The following CNTNAP5 variants were observed in gnomAD, a reference collection of about 807,000 sequenced individuals.
CNTNAP5 encodes contactin-associated protein-like 5.
Under a neutral mutation model 150.2 loss-of-function variants are expected in CNTNAP5, and 72 were observed. That is an observed-to-expected ratio of 0.48 (90% CI 0.40 to 0.58). The LOEUF (loss-of-function observed/expected upper bound fraction) is 0.58, where lower values mean the gene tolerates loss of function less well. Among genes scored for constraint, CNTNAP5 ranks in the 20% least tolerant of loss-of-function variants. The pLI is 0.00. For synonymous variants in CNTNAP5, 672 were observed against 619.8 expected (o/e 1.08, Z -1.25); for missense variants, 1,636 against 1,626.2 (o/e 1.01, Z -0.10).
intron 6 of CNTNAP5, among the ~76,000 whole-genome samples, chr2:124,451,081 C>CATAA (rs1196135062): frequency 9.4e-6 from 1 of 106,596 alleles, no homozygotes; most frequent in Non-Finnish European, 1.9e-5. Flanking sequence ...TATATATACA[C>CATAA]ACACACACAC....
At chr2:124,068,557 C>G (rs1165676136) in intron 1 of CNTNAP5, among the ~76,000 whole-genome samples, 1 of 152,020 alleles carries the variant, frequency 6.6e-6, no homozygotes, top group African/African-American at 2.4e-5. Flanking sequence ...TAGGCACGTC[C>G]TGATGCTGTG....
intron 19 of CNTNAP5, among the ~76,000 whole-genome samples, chr2:124,834,389 T>TTG (rs397803585): frequency 2.6e-4 from 1 of 3,830 alleles, no homozygotes; most frequent in Non-Finnish European, 4.2e-4. Flanking sequence ...CCAGCTGTAC[T>TTG]CTCTGAAAAG....
intron 3 of CNTNAP5, among the ~76,000 whole-genome samples, chr2:124,267,277 C>T (rs564524587): frequency 2.6e-5 from 4 of 152,070 alleles, no homozygotes; most frequent in Non-Finnish European, 4.4e-5. Flanking sequence ...AGAATATTTG[C>T]GAAGGAATGA....
intron 10 of CNTNAP5, among the ~76,000 whole-genome samples, chr2:124,553,432 A>T (rs1695676743): frequency 6.7e-6 from 1 of 149,636 alleles, no homozygotes; most frequent in African/African-American, 2.5e-5. Context: ...TGAACCTAAG[A>T]GGTGGAGGTT....
rs74562556 is a variant in CNTNAP5, at chr2:124,328,620, G to T, written c.381+86227G>T. Among the ~76,000 whole-genome samples, 421 of 152,280 alleles carry T rather than the reference G, an allele frequency of 2.8e-3. 3 individuals carry two copies. Among genetic ancestry groups the T allele is most frequent in the African/African-American group, 9.9e-3 (410 of 41,552 alleles). ...ATGCAAATGATAAAGGCGCCTGTTT[G>T]TTCCTGCAGAGGATAAAAAGAAGAG... On this transcript the variant is annotated intron_variant, in intron 3 of 23. Transcript: ENST00000682447.
chr2:124,225,642 C>T (rs190325079), intron 2 of CNTNAP5, among the ~76,000 whole-genome samples: 1 of 152,152 alleles, frequency 6.6e-6, no homozygotes, highest in African/African-American at 2.4e-5. Context: ...AGTGAGAACA[C>T]AAGACCTACT....
At chr2:124,633,046 A>G (rs1427113376) in intron 12 of CNTNAP5, among the ~76,000 whole-genome samples, 1 of 152,154 alleles carries the variant, frequency 6.6e-6, no homozygotes, top group African/African-American at 2.4e-5. Flanking sequence ...CCCCACTTCC[A>G]ACATTGGGGA....
At chr2:124,465,018 G>A (rs1440981280) in intron 6 of CNTNAP5, among the ~76,000 whole-genome samples, 1 of 152,048 alleles carries the variant, frequency 6.6e-6, no homozygotes, top group Non-Finnish European at 1.5e-5. Context: ...ATACAAAGTG[G>A]GATCTTTAGA....
intron 19 of CNTNAP5, among the ~76,000 whole-genome samples, chr2:124,857,083 T>C (rs1359687324): frequency 6.6e-6 from 1 of 152,118 alleles, no homozygotes; most frequent in Non-Finnish European, 1.5e-5. Flanking sequence ...CTGTATTCCT[T>C]GGAGACCAAG....
chr2:124,567,219 T>G (rs552427120), intron 11 of CNTNAP5, among the ~76,000 whole-genome samples: 1 of 152,184 alleles, frequency 6.6e-6, no homozygotes, highest in South Asian at 2.1e-4. Flanking sequence ...GCGGGCACAA[T>G]GGACTCTCTA....
chr2:124,717,757 G>A (rs1370215494), intron 13 of CNTNAP5, among the ~76,000 whole-genome samples: 1 of 152,138 alleles, frequency 6.6e-6, no homozygotes, highest in African/African-American at 2.4e-5. Flanking sequence ...GAAAGTTAAG[G>A]GAATTGAGGA....
At chr2:124,345,617 T>C (rs931786541) in intron 3 of CNTNAP5, among the ~76,000 whole-genome samples, 7 of 152,196 alleles carry the variant, frequency 4.6e-5, no homozygotes, top group African/African-American at 1.4e-4. Context: ...TGTCTGTCTT[T>C]ATATTTTCAT....
intron 4 of CNTNAP5, among the ~76,000 whole-genome samples, chr2:124,434,253 C>T (rs2104794406): frequency 6.6e-6 from 1 of 152,278 alleles, no homozygotes; most frequent in South Asian, 2.1e-4. Context: ...GTTTTTACTT[C>T]TAAACTAATG....
At chr2:124,677,122 CTTCAGATG>C (rs1405932552) in intron 13 of CNTNAP5, among the ~76,000 whole-genome samples, 1 of 152,126 alleles carries the variant, frequency 6.6e-6, no homozygotes, top group Non-Finnish European at 1.5e-5. Context: ...GAGTTCGTTC[CTTCAGATG>C]TTCAGATGTG....
At chr2:124,427,961 G>T (rs1573988749) in intron 4 of CNTNAP5, among the ~76,000 whole-genome samples, 1 of 152,090 alleles carries the variant, frequency 6.6e-6, no homozygotes, top group African/African-American at 2.4e-5. Flanking sequence ...CCTTAGGTCT[G>T]CAGTGAGGTC....
At chr2:124,886,363 A>C (rs1164300065) in intron 21 of CNTNAP5, among the ~76,000 whole-genome samples, 1 of 152,098 alleles carries the variant, frequency 6.6e-6, no homozygotes, top group African/African-American at 2.4e-5. Context: ...GAGCACTGTG[A>C]CAGTGAGCAG....
intron 13 of CNTNAP5, among the ~76,000 whole-genome samples, chr2:124,701,215 C>T (rs72978554): frequency 0.011 from 1,726 of 152,088 alleles, 36 homozygotes; most frequent in African/African-American, 0.04. Flanking sequence ...GTGTTGTTCT[C>T]GATCTCTGTA....
At chr2:124,680,671 G>A (rs1350061234) in intron 13 of CNTNAP5, 1 of 151,696 alleles carries the variant, frequency 6.6e-6, no homozygotes, top group South Asian at 2.1e-4. Context: ...ATAAATTTTT[G>A]TTGGAAATTG....
In CNTNAP5 at chr2:124,542,796, G is replaced by A. The variant is rs536891317; in HGVS notation, c.1649+15340G>A. Among the ~76,000 whole-genome samples the A allele has an allele frequency of 5.9e-5, 9 of 152,210 alleles. No individual in the cohort carries two copies. In the South Asian group the frequency reaches 1.5e-3, roughly 25 times the overall value. ...CTACTGATGCATTCAGCTGAGACAC[G>A]TGCCCTGTGATTATTTACTTAATGA... On this transcript the variant is annotated intron_variant, in intron 10 of 23. Transcript: ENST00000682447.
Sources: allele counts gnomAD v4.1 joint callset (sites outside exome capture counted in the v4.1 genomes callset), GRCh38; gene constraint gnomAD v4.1.1; transcripts MANE v1.5; gene names NCBI Gene and HGNC (gene_info 2026-07-23, HGNC 2026-07-21).